The following NEB variants were observed in gnomAD, a reference collection of about 807,000 sequenced individuals.
The protein encoded by NEB is nemaline myopathy type 2.
Under a neutral mutation model 952.2 loss-of-function variants are expected in NEB, and 512 were observed. The ratio of observed to expected loss-of-function variants is 0.54; its 90% CI spans 0.50 to 0.58. The LOEUF (loss-of-function observed/expected upper bound fraction) is 0.58, where lower values mean the gene tolerates loss of function less well. Ranked by LOEUF, NEB falls within the 20% of genes least tolerant of loss-of-function variation. NEB has a pLI of 0.00. For synonymous variants in NEB, 2,900 were observed against 3,149.8 expected (o/e 0.92, Z 2.66); for missense variants, 8,428 against 9,231.1 (o/e 0.91, Z 3.56).
At chr2:151,620,609 C>A (rs1448298897) in intron 72 of NEB, among the ~76,000 whole-genome samples, 2 of 151,986 alleles carry the variant, frequency 1.3e-5, no homozygotes, top group South Asian at 2.1e-4. Flanking sequence ...GGCATCTTTG[C>A]CTTGAGTGTG....
chr2:151,646,666 T>A (rs754485722), intron 54 of NEB, among the ~76,000 whole-genome samples: 1 of 152,220 alleles, frequency 6.6e-6, no homozygotes, highest in Non-Finnish European at 1.5e-5. Flanking sequence ...TATCATTATT[T>A]TGACACAGAG....
intron 71 of NEB, among the ~76,000 whole-genome samples, chr2:151,622,792 C>T (rs879788714): frequency 1.3e-5 from 2 of 152,058 alleles, no homozygotes; most frequent in South Asian, 2.1e-4. Flanking sequence ...ATCAAATATA[C>T]GGTGAATATT....
At chr2:151,502,303 T>C (rs2065239351) in intron 167 of NEB, among the ~76,000 whole-genome samples, 1 of 151,718 alleles carries the variant, frequency 6.6e-6, no homozygotes, top group Admixed American at 6.6e-5. Context: ...CACCAAAATC[T>C]CACAAGTCAC....
At chr2:151,577,684 T>C (rs2096925977) in intron 105 of NEB, among the ~76,000 whole-genome samples, 1 of 152,198 alleles carries the variant, frequency 6.6e-6, no homozygotes, top group African/African-American at 2.4e-5. Context: ...GTTCAAACGA[T>C]TCTCCTGCCT....
rs1324138330 is a variant in NEB at position 151,677,904 on chromosome 2, G to A, written c.3539C>T (p.Ser1180Phe). 1.2e-6 allele frequency: 2 copies of A among 1,612,718 alleles called. No individual in the cohort carries two copies. Among genetic ancestry groups the A allele is most frequent in the South Asian group, 2.2e-5 (2 of 90,916 alleles). Residue 1180 changes from serine to phenylalanine, a missense_variant, in exon 33 of 182, where the codon TCT becomes TTT. Ser to Phe is a radical substitution (Grantham distance 155). Transcript: ENST00000397345. ...YLPDAMDLEL[S>F]KNMMQIQSDN... ...ACTCTGTATCTGCATCATGTTCTTA[G>A]ACAGCTCCAGGTCCATGGCGTCAGG...
At chr2:151,541,397 A>C (rs1301870218) in intron 136 of NEB, 50 bp downstream of exon 136, 2 of 1,442,882 alleles carry the variant, frequency 1.4e-6, no homozygotes, top group African/African-American at 2.8e-5. Context: ...GGCACATATA[A>C]TCACCCCCTG....
rs530565802 is a variant in NEB at position 151,534,240 on chromosome 2, T to A, written c.21313-694A>T. The A allele has an allele frequency of 3.7e-6, 6 of 1,613,550 alleles. No homozygotes were observed. The highest frequency in any genetic ancestry group is 5.1e-6 in the Non-Finnish European group (6 of 1,179,794). ...CTGACTGATCTGGTCGCCTGCGGTCTTAGCCAGCAGATGTCTAGGCTCATC... is the reference window on the plus strand; with the variant it reads ...CTGACTGATCTGGTCGCCTGCGGTCATAGCCAGCAGATGTCTAGGCTCATC... On this transcript the variant is annotated intron_variant, in intron 142 of 181. Transcript: ENST00000397345.
chr2:151,496,278 A>G lies in NEB; in HGVS notation c.24484T>C (p.Ser8162Pro), dbSNP rs983299147. The G allele has an allele frequency of 6.2e-6, 10 of 1,605,426 alleles. No homozygotes were observed. In the African/African-American group the frequency reaches 1.2e-4, roughly 19 times the overall value. ...RVKHNQENIS[S>P]VLYKENVGKA... ...TTTTTTCTTTTCTCGCCAAGTACCG[A>G]GCTAATATTTTCTTGATTGTGTTTG... Residue 8162 changes from serine (S) to proline (P), a missense_variant and splice_region_variant, in exon 173 of 182, where the codon TCG becomes CCG. Coordinates refer to ENST00000397345, the MANE Select transcript of NEB (RefSeq NM_001164508.2).
chr2:151,557,524 C>T (rs750363714), intron 124 of NEB, among the ~76,000 whole-genome samples: 2 of 152,074 alleles, frequency 1.3e-5, no homozygotes, highest in South Asian at 2.1e-4. Context: ...TTTATGAGGC[C>T]GGCATCATCC....
At chr2:151,733,223 C>T (rs1283415250) in intron 2 of NEB, 38 bp from the exon 3 acceptor site, 93 of 1,334,150 alleles carry the variant, frequency 7.0e-5, no homozygotes, top group Non-Finnish European at 6.5e-5. Context: ...ATATTAGAGT[C>T]TATTCCCAGC....
intron 105 of NEB, among the ~76,000 whole-genome samples, chr2:151,578,804 G>T (rs1038820148): frequency 6.6e-6 from 1 of 151,722 alleles, no homozygotes; most frequent in Non-Finnish European, 1.5e-5. Flanking sequence ...GGGCAAGGCT[G>T]GGCATGGTGG....
At chr2:151,576,475 A>G (rs1179835350) in intron 105 of NEB, 121 bp from the exon 106 acceptor site, 57 of 163,012 alleles carry the variant, frequency 3.5e-4, no homozygotes, top group Non-Finnish European at 4.1e-4. Flanking sequence ...AAATATATAT[A>G]ACATAAATAC....
In NEB at chr2:151,625,528, T is replaced by C. The variant is rs757776761; in HGVS notation, c.10452+6A>G. 1.3e-6 allele frequency: 2 copies of C among 1,567,828 alleles called. No homozygotes were observed. The highest frequency in any genetic ancestry group is 1.4e-5 in the African/African-American group (1 of 74,062). ...CAGACCAAAGAAATAAAACAAATGA[T>C]CTTACCTCACTATAATTTATTTTAT... On this transcript the variant is annotated splice_donor_region_variant and intron_variant, in intron 71 of 181. Coordinates refer to ENST00000397345, the MANE Select transcript of NEB (RefSeq NM_001164508.2).
In NEB at chr2:151,643,066, C is replaced by T. The variant is rs4664494; in HGVS notation, c.8160+84G>A. ...TAGTACCAAGCAAAGGAATCAAAAACAAGTTTTCTTTTATACAAACAGACT... is the reference window on the plus strand; with the variant it reads ...TAGTACCAAGCAAAGGAATCAAAAATAAGTTTTCTTTTATACAAACAGACT... On this transcript the variant is annotated intron_variant, in intron 58 of 181. Coordinates refer to ENST00000397345, the MANE Select transcript of NEB (RefSeq NM_001164508.2). The T allele has an allele frequency of 0.2, 285,801 of 1,414,546 alleles. 39,614 individuals carry two copies. Among genetic ancestry groups the T allele is most frequent in the African/African-American group, 0.58 (40,021 of 69,394 alleles). The allele number at this position is 1,414,546 out of a possible 1,614,324, so 87.6% of individuals were successfully genotyped here.
chr2:151,537,188 C>T lies in NEB; in HGVS notation c.21151G>A (p.Ala7051Thr), dbSNP rs1236446445. 2 of 1,613,094 alleles carry T rather than the reference C, an allele frequency of 1.2e-6. No homozygotes were observed. Among genetic ancestry groups the T allele is most frequent in the African/African-American group, 1.3e-5 (1 of 74,854 alleles). Reference protein sequence around the residue: ...LTWLKGIGCYAYDTPDFTLAE... With the variant: ...LTWLKGIGCYTYDTPDFTLAE... ...AGAGTGAAATCAGGGGTATCATAGGCATAGCAACCAATGCCTTTAAGCCAA... is the reference window on the plus strand; with the variant it reads ...AGAGTGAAATCAGGGGTATCATAGGTATAGCAACCAATGCCTTTAAGCCAA... The change falls in exon 141 of 182, where the codon GCC becomes ACC. Residue 7051 changes from alanine (A) to threonine (T), a missense_variant. Physicochemically the swap from Ala to Thr is moderately conservative, Grantham distance 58. Around this residue, in one of 11 missense-constraint regions of NEB, gnomAD observed 3,374 missense variants for 3,651.5 expected, o/e 0.92. Transcript: ENST00000397345.
In NEB at chr2:151,491,723, T is replaced by C; in HGVS notation, c.25110A>G (p.Ala8370=). ...NPGSVFDYDP[A]EDNIQSRSLH... The stretch of plus-strand genomic sequence containing the variant: ...AGCTTCGGGACTGGATGTTGTCTTC[T>C]GCTGGATCATAGTCAAAAACCGAAC... The change falls in exon 179 of 182, where the codon GCA becomes GCG. Residue 8370 remains alanine, a synonymous_variant. Transcript: ENST00000397345. 1 of 1,598,752 alleles carries C rather than the reference T, an allele frequency of 6.3e-7. No individual in the cohort carries two copies. Among genetic ancestry groups the C allele is most frequent in the Non-Finnish European group, 8.5e-7 (1 of 1,172,234 alleles).
At chr2:151,674,387 A>G (rs1458112427) in intron 36 of NEB, 90 bp downstream of exon 36, 1 of 994,402 alleles carries the variant, frequency 1.0e-6, no homozygotes, top group African/African-American at 1.6e-5. Context: ...AATTTAACAT[A>G]TTTCTTTCAA....
intron 65 of NEB, among the ~76,000 whole-genome samples, chr2:151,631,631 T>C (rs1199983816): frequency 1.3e-5 from 2 of 152,142 alleles, no homozygotes; most frequent in Non-Finnish European, 2.9e-5. Context: ...AACATCCCTA[T>C]GCAGGGAAGA....
intron 111 of NEB, 55 bp from the exon 112 acceptor site, chr2:151,568,472 A>G (rs2096509667): frequency 4.6e-6 from 7 of 1,533,172 alleles, no homozygotes; most frequent in Admixed American, 3.4e-5. Flanking sequence ...AGAAAGCATC[A>G]TGTTGTCCAA....
Sources: gnomAD v4.1 joint callset for allele counts (sites outside exome capture counted in the v4.1 genomes callset) on GRCh38, gnomAD v4.1.1 for gene constraint, gnomAD v4.1.1 regional missense constraint, MANE v1.5 for transcripts, NCBI Gene and HGNC (gene_info 2026-07-23, HGNC 2026-07-21) for gene names.